ANKS1B: variants seen among roughly 807,000 people sequenced by gnomAD.
The protein encoded by ANKS1B is ankyrin repeat and sterile alpha motif domain containing 1B, also known as ankyrin repeat and sterile alpha motif domain-containing protein 1B.
ANKS1B carries 36 observed loss-of-function variants against 148.3 expected under a neutral mutation model. The observed-to-expected ratio is 0.24, with a 90% CI of 0.19 to 0.32. The LOEUF (loss-of-function observed/expected upper bound fraction) is 0.32, where lower values mean the gene tolerates loss of function less well. Among genes scored for constraint, ANKS1B ranks in the 10% least tolerant of loss-of-function variants. The pLI is 1.00. For missense variants in ANKS1B, 1,157 were observed against 1,542.6 expected (o/e 0.75, Z 4.19); for synonymous variants, 542 against 560.8 (o/e 0.97, Z 0.47).
At chr12:99,830,244 A>G (rs1348084351) in intron 1 of ANKS1B, among the ~76,000 whole-genome samples, 2 of 152,224 alleles carry the variant, frequency 1.3e-5, no homozygotes, top group Non-Finnish European at 2.9e-5. Flanking sequence ...ATACAGATAA[A>G]TTACAATATA....
chr12:98,817,979 G>A (rs1365488813), intron 19 of ANKS1B, among the ~76,000 whole-genome samples: 2 of 152,198 alleles, frequency 1.3e-5, no homozygotes, highest in Non-Finnish European at 2.9e-5. Flanking sequence ...GCTGGAGTCA[G>A]CATTAATCAA....
At chr12:99,482,197 ATT>A (rs2096421466) in intron 10 of ANKS1B, among the ~76,000 whole-genome samples, 1 of 151,884 alleles carries the variant, frequency 6.6e-6, no homozygotes, top group Non-Finnish European at 1.5e-5. Flanking sequence ...TCTTGAGTTG[ATT>A]TTTATATGTG....
chr12:98,898,124 G>A (rs2099767370), intron 17 of ANKS1B, among the ~76,000 whole-genome samples: 1 of 152,062 alleles, frequency 6.6e-6, no homozygotes, highest in African/African-American at 2.4e-5. Flanking sequence ...CTCTTTGGGG[G>A]ATGAGTACAC....
intron 17 of ANKS1B, among the ~76,000 whole-genome samples, chr12:99,047,524 A>G (rs1306203829): frequency 1.3e-5 from 2 of 152,206 alleles, no homozygotes; most frequent in South Asian, 4.1e-4. Context: ...AATGATACCA[A>G]TGTGTGTAAT....
In ANKS1B at chr12:98,769,165, C is replaced by CTTTTTTTTTTTTTTTTTT. The variant is rs1182264550; in HGVS notation, c.3579+3859_3579+3876dup. Among the ~76,000 whole-genome samples the CTTTTTTTTTTTTTTTTTT allele has an allele frequency of 9.0e-4, 37 of 41,234 alleles. 13 individuals carry two copies. The highest frequency in any genetic ancestry group is 7.1e-3 in the South Asian group (4 of 560). 27.1% of individuals were successfully genotyped at this position (41,234 alleles called of 152,430 possible). A position where few individuals can be genotyped will look rare whatever the true frequency, so the allele number is the denominator to read the frequency against. Reference sequence around the variant, plus strand: ...TTGAGGTATTATAGGGTCTTCTTTACTTTTTTTTTTTTTTTTTTTTTTTTT... The same window carrying CTTTTTTTTTTTTTTTTTT: ...TTGAGGTATTATAGGGTCTTCTTTACTTTTTTTTTTTTTTTTTTTTTTTTTTTTTTTTTTTTTTTTTTT... On this transcript the variant is annotated intron_variant, in intron 25 of 26. Transcript: ENST00000683438.
At chr12:99,983,736 A>C (rs1229456470) in intron 1 of ANKS1B, among the ~76,000 whole-genome samples, 2 of 152,174 alleles carry the variant, frequency 1.3e-5, no homozygotes, top group South Asian at 2.1e-4. Context: ...TGCCAATTTC[A>C]TTTAACTAGA....
intron 12 of ANKS1B, among the ~76,000 whole-genome samples, chr12:99,328,689 G>A (rs547740833): frequency 2.2e-4 from 34 of 151,806 alleles, no homozygotes; most frequent in African/African-American, 8.0e-4. Flanking sequence ...CATCAAGCAA[G>A]GTAAAATTTA....
At chr12:99,923,765 A>AC (rs1202330398) in intron 1 of ANKS1B, among the ~76,000 whole-genome samples, 1 of 151,914 alleles carries the variant, frequency 6.6e-6, no homozygotes, top group East Asian at 1.9e-4. Flanking sequence ...GTGGACTTTT[A>AC]GGGGGGTACC....
At position 99,782,116 on chromosome 12, in the gene ANKS1B, G is replaced by GA. The variant is rs1567838460; in HGVS notation, c.670-20dup. On this transcript the variant is annotated intron_variant, in intron 4 of 26. Transcript: ENST00000683438. ...TTTCTGTCTGGAAAAAAAAAAGTAA[G>GA]AAAAAAGAAAGCACGGTTGCATTTG... The GA allele has an allele frequency of 8.3e-6, 13 of 1,566,364 alleles. No individual in the cohort carries two copies. The highest frequency in any genetic ancestry group is 1.1e-5 in the Non-Finnish European group (13 of 1,157,742).
At chr12:98,837,912 T>C (rs1484492839) in intron 17 of ANKS1B, among the ~76,000 whole-genome samples, 1 of 152,196 alleles carries the variant, frequency 6.6e-6, no homozygotes, top group Non-Finnish European at 1.5e-5. Context: ...GCTTTCCCAT[T>C]TTAGACACTT....
intron 9 of ANKS1B, among the ~76,000 whole-genome samples, chr12:99,508,042 A>C (rs995618876): frequency 1.3e-5 from 2 of 151,870 alleles, no homozygotes; most frequent in Non-Finnish European, 2.9e-5. Flanking sequence ...ATAAAAAATA[A>C]ATTTTTAGTA....
At chr12:99,414,728 C>T (rs532435251) in intron 11 of ANKS1B, among the ~76,000 whole-genome samples, 2 of 152,118 alleles carry the variant, frequency 1.3e-5, no homozygotes, top group African/African-American at 2.4e-5. Flanking sequence ...AAATACCTAA[C>T]GTAAATGATG....
At chr12:99,423,875 A>G (rs1263442102) in intron 11 of ANKS1B, among the ~76,000 whole-genome samples, 1 of 152,134 alleles carries the variant, frequency 6.6e-6, no homozygotes, top group African/African-American at 2.4e-5. Flanking sequence ...ATCAGGAAAA[A>G]TAGCTAATGG....
intron 17 of ANKS1B, among the ~76,000 whole-genome samples, chr12:99,000,988 C>T (rs762508812): frequency 1.1e-4 from 17 of 151,732 alleles, no homozygotes; most frequent in South Asian, 2.1e-4. Flanking sequence ...TGTGTGTGCG[C>T]GCGTGCATGT....
intron 1 of ANKS1B, 48 bp from the exon 2 acceptor site, chr12:99,825,437 CCTTG>C: frequency 2.0e-6 from 3 of 1,464,918 alleles, no homozygotes; most frequent in Admixed American, 3.9e-5. Flanking sequence ...CCAGATCTTG[CCTTG>C]AAAAACAAAA....
At chr12:98,771,601 G>C (rs755052053) in intron 25 of ANKS1B, among the ~76,000 whole-genome samples, 1 of 152,086 alleles carries the variant, frequency 6.6e-6, no homozygotes, top group Non-Finnish European at 1.5e-5. Context: ...ACCCTCTCAG[G>C]TAGCTGGGAC....
At chr12:98,766,292 T>C (rs1293068964) in intron 25 of ANKS1B, among the ~76,000 whole-genome samples, 2 of 151,948 alleles carry the variant, frequency 1.3e-5, no homozygotes, top group Non-Finnish European at 2.9e-5. Flanking sequence ...GTGGTGGTGT[T>C]AGTGTAGAAG....
intron 8 of ANKS1B, among the ~76,000 whole-genome samples, chr12:99,771,143 C>G (rs1012089872): frequency 1.3e-5 from 2 of 152,038 alleles, no homozygotes; most frequent in African/African-American, 4.8e-5. Flanking sequence ...GACCCCAGGG[C>G]ATATAAGATA....
At chr12:99,489,087 C>T (rs2096530120) in intron 10 of ANKS1B, among the ~76,000 whole-genome samples, 1 of 151,764 alleles carries the variant, frequency 6.6e-6, no homozygotes, top group South Asian at 2.1e-4. Context: ...ACTAAAAATA[C>T]AAAAATTAGC....
Sources: gnomAD v4.1 joint callset for allele counts (sites outside exome capture counted in the v4.1 genomes callset) on GRCh38, gnomAD v4.1.1 for gene constraint, MANE v1.5 for transcripts, NCBI Gene and HGNC (gene_info 2026-07-23, HGNC 2026-07-21) for gene names.